Variants in BAZ2B observed in about 807,000 individuals in gnomAD.
The protein encoded by BAZ2B is bromodomain adjacent to zinc finger domain 2B.
Under a neutral mutation model 246.0 loss-of-function variants are expected in BAZ2B, and 91 were observed. That is an observed-to-expected ratio of 0.37 (90% CI 0.31 to 0.44). The LOEUF (loss-of-function observed/expected upper bound fraction) is 0.44, where lower values mean the gene tolerates loss of function less well. Ranked by LOEUF, BAZ2B falls within the 20% of genes least tolerant of loss-of-function variation. The pLI is 1.00. For synonymous variants in BAZ2B, 855 were observed against 860.0 expected (o/e 0.99, Z 0.10); for missense variants, 2,332 against 2,533.7 (o/e 0.92, Z 1.71).
intron 2 of BAZ2B, among the ~76,000 whole-genome samples, chr2:159,508,788 G>C (rs2082603894): frequency 6.6e-6 from 1 of 151,974 alleles, no homozygotes; most frequent in Non-Finnish European, 1.5e-5. Context: ...AAATAATATT[G>C]TCATCAGGAT....
chr2:159,325,895 G>T lies in BAZ2B; in HGVS notation c.5967C>A (p.Ile1989=). The stretch of plus-strand genomic sequence containing the variant: ...TTTTTCCTTTGACATGAAGTTTTTT[G>T]ATTTTTAGAGTTTGACCACTTGCCT... ...IAKASGQTLK[I]KKLHVKGKKT... The change falls in exon 35 of 37, where the codon ATC becomes ATA. Residue 1989 remains isoleucine (I), a synonymous_variant. Coordinates refer to ENST00000392783, the MANE Select transcript of BAZ2B (RefSeq NM_013450.4). The T allele has an allele frequency of 1.9e-6, 3 of 1,584,876 alleles. No individual in the cohort carries two copies. The highest frequency in any genetic ancestry group is 1.7e-4 in the Middle Eastern group (1 of 5,980).
intron 2 of BAZ2B, among the ~76,000 whole-genome samples, chr2:159,513,613 C>T (rs1559662796): frequency 6.6e-6 from 1 of 152,144 alleles, no homozygotes; most frequent in Non-Finnish European, 1.5e-5. Flanking sequence ...ATCATCTTTT[C>T]TCCTCTTTCC....
At position 159,347,507 on chromosome 2, in the gene BAZ2B, T is replaced by C; in HGVS notation, c.5433A>G (p.Ala1811=). The C allele has an allele frequency of 1.2e-6, 2 of 1,613,882 alleles. No individual in the cohort carries two copies. Among genetic ancestry groups the C allele is most frequent in the East Asian group, 4.5e-5 (2 of 44,812 alleles). Residue 1811 remains alanine, a synonymous_variant, in exon 31 of 37, where the codon GCA becomes GCG. Transcript: ENST00000392783. ...TTACCTTCACTTGCAAACTTGCTGA[T>C]GCAACTCTCCTTTCTAGATCTTCTA... ...QQVEDLERRV[A]SASLQVKGWM...
chr2:159,374,284 A>G (rs1424162053), intron 26 of BAZ2B, among the ~76,000 whole-genome samples: 1 of 152,074 alleles, frequency 6.6e-6, no homozygotes, highest in Non-Finnish European at 1.5e-5. Context: ...AAATATACAA[A>G]TGTAAAATAA....
chr2:159,599,382 G>C (rs1379178034), intron 1 of BAZ2B, among the ~76,000 whole-genome samples: 1 of 152,026 alleles, frequency 6.6e-6, no homozygotes, highest in African/African-American at 2.4e-5. Flanking sequence ...ACTTTGGAAG[G>C]CTGAGGCAGG....
chr2:159,695,305 T>A, the BAZ2B span: 1 of 152,288 alleles, frequency 6.6e-6, no homozygotes, highest in South Asian at 2.1e-4. Flanking sequence ...ATTCTATGTG[T>A]TGTCTTTTCG....
At chr2:159,606,527 T>C (rs1037165534) in intron 1 of BAZ2B, among the ~76,000 whole-genome samples, 1 of 152,222 alleles carries the variant, frequency 6.6e-6, no homozygotes, top group Non-Finnish European at 1.5e-5. Context: ...TCAACAACCA[T>C]GTCATCATAG....
At chr2:159,428,187 T>A in intron 12 of BAZ2B, 124 bp downstream of exon 12, 1 of 1,089,896 alleles carries the variant, frequency 9.2e-7, no homozygotes, top group Non-Finnish European at 1.3e-6. Flanking sequence ...TTAAGTACAA[T>A]AGTCCCATAC....
chr2:159,646,468 A>G, the BAZ2B span, among the ~76,000 whole-genome samples: 4 of 152,266 alleles, frequency 2.6e-5, no homozygotes, highest in African/African-American at 9.6e-5. Context: ...AGCTTATGAG[A>G]TGACAGGATT....
chr2:159,446,878 A>C lies in BAZ2B; in HGVS notation c.600T>G (p.Thr200=). The change falls in exon 6 of 37, where the codon ACT becomes ACG. Residue 200 remains threonine, a synonymous_variant. Coordinates refer to ENST00000392783, the MANE Select transcript of BAZ2B (RefSeq NM_013450.4). The part of the protein sequence containing the change: ...STTASSSMGQ[T]KSTSSGGGNR... ...TTCCTCCACCTGAGCTTGTACTTTT[A>C]GTTTGTCCCATGGAACTTGAAGCAG... is the stretch of plus-strand genomic sequence containing the variant. The C allele has an allele frequency of 6.2e-7, 1 of 1,613,728 alleles. No individual in the cohort carries two copies. Among genetic ancestry groups the C allele is most frequent in the Non-Finnish European group, 8.5e-7 (1 of 1,179,826 alleles).
intron 27 of BAZ2B, among the ~76,000 whole-genome samples, chr2:159,362,497 C>T (rs530652448): frequency 1.3e-5 from 2 of 152,128 alleles, no homozygotes; most frequent in Non-Finnish European, 2.9e-5. Flanking sequence ...ATTATGGAGG[C>T]TGGGAATCCT....
chr2:159,417,516 C>T (rs772741384), intron 13 of BAZ2B, among the ~76,000 whole-genome samples: 1 of 151,826 alleles, frequency 6.6e-6, no homozygotes, highest in Non-Finnish European at 1.5e-5. Context: ...TCGAGAGTTG[C>T]TAATTTGTAT....
At chr2:159,547,328 T>C (rs2087504994) in intron 2 of BAZ2B, among the ~76,000 whole-genome samples, 1 of 152,208 alleles carries the variant, frequency 6.6e-6, no homozygotes, top group South Asian at 2.1e-4. Flanking sequence ...GTTAAACTTT[T>C]TTAACATTCA....
chr2:159,446,767 C>T lies in BAZ2B; in HGVS notation c.696+15G>A, dbSNP rs772719530. ...ATAGATCTGTTATATATTAGTCCTT[C>T]CAAGTACAACTTACCTTATCTTTGA... On this transcript the variant is annotated intron_variant, in intron 6 of 36. Transcript: ENST00000392783. The T allele has an allele frequency of 5.5e-5, 88 of 1,588,012 alleles. No homozygotes were observed. Among genetic ancestry groups the T allele is most frequent in the Non-Finnish European group, 7.4e-5 (86 of 1,168,216 alleles).
At chr2:159,528,287 C>T (rs2084968512) in intron 2 of BAZ2B, among the ~76,000 whole-genome samples, 1 of 151,888 alleles carries the variant, frequency 6.6e-6, no homozygotes, top group Admixed American at 6.6e-5. Flanking sequence ...TGATGCAAAT[C>T]TACATTAAGA....
At position 159,489,745 on chromosome 2, in the gene BAZ2B, T is replaced by TA. The variant is rs913841831; in HGVS notation, c.-2-11025dup. 5.3e-5 allele frequency among the ~76,000 whole-genome samples: 8 copies of TA among 150,498 alleles called. No individual in the cohort carries two copies. The East Asian group carries it at 5.8e-4, about 11-fold the overall frequency. ...TAGAAGAACCCATCCCTACTAAATT[T>TA]AAAAAAAAAATTAGCCAGCCAGTAT... On this transcript the variant is annotated intron_variant, in intron 2 of 36. Transcript: ENST00000392783.
intron 2 of BAZ2B, among the ~76,000 whole-genome samples, chr2:159,543,478 G>A (rs1383477967): frequency 2.0e-5 from 3 of 148,576 alleles, no homozygotes; most frequent in African/African-American, 7.4e-5. Flanking sequence ...ATGGACTTAT[G>A]CTTTTTATAT....
At chr2:159,684,788 A>C in the BAZ2B span, among the ~76,000 whole-genome samples, 1 of 152,236 alleles carries the variant, frequency 6.6e-6, no homozygotes, top group Admixed American at 6.5e-5. Context: ...TTCTGGAAGA[A>C]ATCATTTATT....
the BAZ2B span, among the ~76,000 whole-genome samples, chr2:159,629,374 CAT>C: frequency 1.3e-5 from 2 of 152,226 alleles, no homozygotes; most frequent in South Asian, 4.2e-4. Flanking sequence ...CACGTGCACA[CAT>C]ATGTTTATTG....
Sources: allele counts gnomAD v4.1 joint callset (sites outside exome capture counted in the v4.1 genomes callset), GRCh38; gene constraint gnomAD v4.1.1; transcripts MANE v1.5; gene names NCBI Gene and HGNC (gene_info 2026-07-23, HGNC 2026-07-21).